CDH18: variants seen among roughly 807,000 people sequenced by gnomAD.
CDH18 encodes cadherin 18.
Under a neutral mutation model 67.9 loss-of-function variants are expected in CDH18, and 31 were observed. That is an observed-to-expected ratio of 0.46 (90% confidence interval 0.34 to 0.62). CDH18 has a LOEUF of 0.62. Ranked by LOEUF, CDH18 falls within the 20% of genes least tolerant of loss-of-function variation. CDH18 has a pLI of 0.01. For synonymous variants in CDH18, 362 were observed against 347.2 expected (o/e 1.04, Z -0.48); for missense variants, 890 against 975.5 (o/e 0.91, Z 1.17).
intron 1 of CDH18, among the ~76,000 whole-genome samples, chr5:20,319,159 C>T (rs1737753577): frequency 6.6e-6 from 1 of 152,154 alleles, no homozygotes; most frequent in African/African-American, 2.4e-5. Context: ...ACACACAGTA[C>T]TTTTTCTGTC....
At chr5:20,421,294 G>C (rs992683395) in intron 1 of CDH18, among the ~76,000 whole-genome samples, 5 of 150,918 alleles carry the variant, frequency 3.3e-5, no homozygotes, top group Non-Finnish European at 7.4e-5. Flanking sequence ...ACCCCCAACA[G>C]GTTCCTCCTT....
intron 11 of CDH18, among the ~76,000 whole-genome samples, chr5:19,485,446 G>A (rs1033895319): frequency 1.3e-5 from 2 of 151,812 alleles, no homozygotes; most frequent in Admixed American, 1.3e-4. Flanking sequence ...TAGTAGAGAC[G>A]GGGTTTCACC....
chr5:20,178,377 C>G (rs1184216722), intron 2 of CDH18, among the ~76,000 whole-genome samples: 1 of 151,532 alleles, frequency 6.6e-6, no homozygotes, highest in East Asian at 2.0e-4. Flanking sequence ...CACCCTTCTT[C>G]TTGGTTCTGT....
intron 3 of CDH18, among the ~76,000 whole-genome samples, chr5:19,806,947 A>G (rs4620030): frequency 0.43 from 65,855 of 152,074 alleles, 14,862 homozygotes; most frequent in Middle Eastern, 0.59. Context: ...ACAGCCTACT[A>G]CACACTAAGA....
intron 1 of CDH18, among the ~76,000 whole-genome samples, chr5:20,283,920 A>C (rs2126710235): frequency 6.6e-6 from 1 of 152,234 alleles, no homozygotes; most frequent in South Asian, 2.1e-4. Flanking sequence ...TAGCCATAAA[A>C]GGAATGAGAT....
intron 2 of CDH18, among the ~76,000 whole-genome samples, chr5:19,855,529 T>C (rs774269576): frequency 5.9e-5 from 9 of 152,050 alleles, no homozygotes; most frequent in Admixed American, 3.3e-4. Flanking sequence ...TTATTATCTA[T>C]AAAAAATCAA....
chr5:20,355,023 C>T (rs1242042528), intron 1 of CDH18, among the ~76,000 whole-genome samples: 1 of 152,160 alleles, frequency 6.6e-6, no homozygotes, highest in Non-Finnish European at 1.5e-5. Flanking sequence ...TGCCTGATCA[C>T]CTTGCTAGAA....
chr5:19,644,958 C>T (rs1379673322), intron 5 of CDH18, among the ~76,000 whole-genome samples: 1 of 152,196 alleles, frequency 6.6e-6, no homozygotes, highest in Non-Finnish European at 1.5e-5. Context: ...CAGGGACTTT[C>T]ACTTAATCCT....
chr5:20,566,506 C>T (rs1404945517), intron 1 of CDH18, among the ~76,000 whole-genome samples: 8 of 144,936 alleles, frequency 5.5e-5, no homozygotes, highest in Non-Finnish European at 1.2e-4. Flanking sequence ...AATACAGGTT[C>T]GCGCCACCAT....
rs535476439 is a variant in CDH18, at chr5:19,563,720, A to G, written c.1253+7859T>C. Among the ~76,000 whole-genome samples, 65 of 152,224 alleles carry G rather than the reference A, an allele frequency of 4.3e-4. 1 individual carries two copies. Among genetic ancestry groups the G allele is most frequent in the Non-Finnish European group, 7.1e-4 (48 of 68,044 alleles). ...ATTGTCAACCCTGCAGGAACACTGA[A>G]TTGAAGAACTTTCCATGAAACACCT... On this transcript the variant is annotated intron_variant, in intron 8 of 12. Transcript: ENST00000382275.
At position 19,619,215 on chromosome 5, in the gene CDH18, T is replaced by C. The variant is rs183945408; in HGVS notation, c.644-6614A>G. Among the ~76,000 whole-genome samples the C allele has an allele frequency of 4.2e-3, 634 of 152,294 alleles. 6 individuals are homozygous for C. The highest frequency in any genetic ancestry group is 4.4e-3 in the Non-Finnish European group (296 of 68,018). ...CATTCATCATTGGCAATTCGAAGTG[T>C]GCTGAATGTGTTTCTACTCTGTATA... is the stretch of plus-strand genomic sequence containing the variant. On this transcript the variant is annotated intron_variant, in intron 5 of 12. Coordinates refer to ENST00000382275, the MANE Select transcript of CDH18 (RefSeq NM_004934.5).
chr5:19,870,705 G>A (rs1786167875), intron 2 of CDH18, among the ~76,000 whole-genome samples: 1 of 152,050 alleles, frequency 6.6e-6, no homozygotes, highest in African/African-American at 2.4e-5. Context: ...AAAGGTCTAG[G>A]CAAATATAGA....
chr5:20,232,827 A>G (rs1221568644), intron 2 of CDH18, among the ~76,000 whole-genome samples: 1 of 152,072 alleles, frequency 6.6e-6, no homozygotes, highest in East Asian at 1.9e-4. Flanking sequence ...ATGACAAACA[A>G]AAGGCTTTGG....
At chr5:19,563,141 T>C (rs918192960) in intron 8 of CDH18, among the ~76,000 whole-genome samples, 3 of 152,206 alleles carry the variant, frequency 2.0e-5, no homozygotes, top group Non-Finnish European at 4.4e-5. Context: ...TTTTTGATAC[T>C]TGACTTTTGT....
chr5:19,854,552 A>C (rs945924492), intron 2 of CDH18, among the ~76,000 whole-genome samples: 1 of 152,112 alleles, frequency 6.6e-6, no homozygotes, highest in African/African-American at 2.4e-5. Context: ...GTAGCTATTA[A>C]TGTAATACTT....
At chr5:20,500,096 GT>G (rs1276696184) in intron 1 of CDH18, among the ~76,000 whole-genome samples, 1 of 151,984 alleles carries the variant, frequency 6.6e-6, no homozygotes, top group Non-Finnish European at 1.5e-5. Flanking sequence ...TCCACTTTTT[GT>G]TTTAAAAATT....
chr5:19,685,365 A>G (rs1479641783), intron 5 of CDH18, among the ~76,000 whole-genome samples: 5 of 152,202 alleles, frequency 3.3e-5, no homozygotes, highest in African/African-American at 1.2e-4. Flanking sequence ...TTATTTTATG[A>G]CTACACAATC....
At chr5:20,070,640 A>G (rs1197713076) in intron 2 of CDH18, among the ~76,000 whole-genome samples, 2 of 152,190 alleles carry the variant, frequency 1.3e-5, no homozygotes, top group South Asian at 2.1e-4. Flanking sequence ...TGTTTTGCAG[A>G]TGGGTGCCTG....
At chr5:19,990,559 A>G (rs1196215216), upstream of CDH18, among the ~76,000 whole-genome samples, 1 of 152,214 alleles carries the variant, frequency 6.6e-6, no homozygotes, top group African/African-American at 2.4e-5. Flanking sequence ...GAAAGAATTC[A>G]TTCATCAAGG....
Sources: allele counts gnomAD v4.1 joint callset (sites outside exome capture counted in the v4.1 genomes callset), GRCh38; gene constraint gnomAD v4.1.1; transcripts MANE v1.5; gene names NCBI Gene and HGNC (gene_info 2026-07-23, HGNC 2026-07-21).